Variants in AFF1 observed in about 807,000 individuals in gnomAD.
The protein encoded by AFF1 is ALF transcription elongation factor 1.
A neutral mutation model predicts 121.7 loss-of-function variants in AFF1; 48 were observed. That is an observed-to-expected ratio of 0.39 (90% confidence interval 0.31 to 0.50). The LOEUF is 0.50. Among genes scored for constraint, AFF1 ranks in the 20% least tolerant of loss-of-function variants. The probability of loss-of-function intolerance (pLI) is 0.76; values close to 1 mark genes in which losing one functional copy is unlikely to be tolerated. For synonymous variants in AFF1, 613 were observed against 563.0 expected (o/e 1.09, Z -1.26); for missense variants, 1,523 against 1,511.7 (o/e 1.01, Z -0.12).
At chr4:86,994,667 TTG>T (rs1724978512) in intron 2 of AFF1, among the ~76,000 whole-genome samples, 1 of 152,160 alleles carries the variant, frequency 6.6e-6, no homozygotes, top group African/African-American at 2.4e-5. Context: ...AACTAGGAGC[TTG>T]TGTTAGGTAG....
chr4:87,024,983 A>T (rs192799038), intron 2 of AFF1, among the ~76,000 whole-genome samples: 1 of 152,308 alleles, frequency 6.6e-6, no homozygotes, highest in Non-Finnish European at 1.5e-5. Context: ...TGTGAAATGC[A>T]TGCATCCCTT....
chr4:86,936,123 G>C (rs777624866), intron 1 of AFF1: 1 of 152,242 alleles, frequency 6.6e-6, no homozygotes, highest in Non-Finnish European at 1.5e-5. Context: ...ATCCCGGGAA[G>C]GCACTTGGCT....
At chr4:86,986,311 A>T (rs1724274052) in intron 2 of AFF1, among the ~76,000 whole-genome samples, 1 of 152,104 alleles carries the variant, frequency 6.6e-6, no homozygotes, top group African/African-American at 2.4e-5. Flanking sequence ...ACCTCAGGTG[A>T]TCCACCCGCC....
Position 86,982,865 on chromosome 4 carries a change from AAAAAAAAAAAG to A in AFF1, c.38+34295_38+34305del, listed in dbSNP as rs1404337359. 1.5e-4 allele frequency among the ~76,000 whole-genome samples: 22 copies of A among 145,794 alleles called. 1 individual carries two copies. Among genetic ancestry groups the A allele is most frequent in the African/African-American group, 5.5e-4 (21 of 37,852 alleles). ...TCTGTCTCCAAAAAAAAAAAAAAAAAAAAAAAAAAAGGAAGCTTGTTTGCCCCTTCCACTGT... is the reference window on the plus strand; with the variant it reads ...TCTGTCTCCAAAAAAAAAAAAAAAAAGAAGCTTGTTTGCCCCTTCCACTGT... On this transcript the variant is annotated intron_variant, in intron 2 of 20. Coordinates refer to ENST00000395146, the MANE Select transcript of AFF1 (RefSeq NM_001166693.3).
chr4:87,112,315 G>A (rs1298158493), intron 11 of AFF1, among the ~76,000 whole-genome samples: 1 of 152,200 alleles, frequency 6.6e-6, no homozygotes, highest in African/African-American at 2.4e-5. Flanking sequence ...CATAATAGTG[G>A]TTTCCTTCTT....
chr4:86,950,253 A>G, intron 2 of AFF1: 2 of 809,272 alleles, frequency 2.5e-6, no homozygotes, highest in Non-Finnish European at 4.2e-6. Flanking sequence ...ATCTTGGCTC[A>G]CTGCAACCTC....
chr4:86,996,502 T>G (rs1725213259), intron 2 of AFF1, among the ~76,000 whole-genome samples: 1 of 151,510 alleles, frequency 6.6e-6, no homozygotes, highest in South Asian at 2.1e-4. Context: ...AAGATGTGCT[T>G]TGTTAAACAG....
At chr4:87,076,497 A>T (rs1722687269) in intron 4 of AFF1, among the ~76,000 whole-genome samples, 1 of 152,242 alleles carries the variant, frequency 6.6e-6, no homozygotes, top group African/African-American at 2.4e-5. Flanking sequence ...GGATTAGATG[A>T]AGTGTAGCTA....
chr4:86,939,050 G>A (rs1480600646), intron 1 of AFF1, among the ~76,000 whole-genome samples: 11 of 152,238 alleles, frequency 7.2e-5, no homozygotes, highest in African/African-American at 1.9e-4. Context: ...TCCTAATACC[G>A]CGTAAGTATT....
At position 87,140,744 on chromosome 4, in the gene AFF1, T is replaced by G. The variant is rs1729650939; in HGVS notation, c.*5043T>G. The G allele has an allele frequency of 5.2e-6, 1 of 190,620 alleles. No homozygotes were observed. The highest frequency in any genetic ancestry group is 6.2e-5 in the Admixed American group (1 of 16,220). The allele number at this position is 190,620 out of a possible 1,614,324, so 11.8% of individuals were successfully genotyped here. ...CACAAATTAAGGGGAACTCCATGTA[T>G]TTTACCTACTTCAGCAATGGAACTG... On this transcript the variant is annotated 3_prime_UTR_variant, in exon 21 of 21. Transcript: ENST00000395146.
chr4:86,967,856 C>G (rs953852977), intron 2 of AFF1, among the ~76,000 whole-genome samples: 5 of 152,142 alleles, frequency 3.3e-5, no homozygotes, highest in Non-Finnish European at 4.4e-5. Flanking sequence ...AATTGGTTCT[C>G]TAAGTCTAGA....
chr4:87,085,401 T>A (rs969124098), intron 5 of AFF1, among the ~76,000 whole-genome samples: 1 of 152,048 alleles, frequency 6.6e-6, no homozygotes, highest in African/African-American at 2.4e-5. Flanking sequence ...TTTAATGATA[T>A]TCTTGTCTTT....
chr4:86,996,457 T>A (rs1448967140), intron 2 of AFF1, among the ~76,000 whole-genome samples: 2 of 151,854 alleles, frequency 1.3e-5, no homozygotes, highest in Admixed American at 6.6e-5. Context: ...ACATGTGCTG[T>A]ATCCACTCAG....
chr4:87,102,514 TAGAATGTGAAGGG>T (rs1433282994), intron 8 of AFF1, among the ~76,000 whole-genome samples: 1 of 152,112 alleles, frequency 6.6e-6, no homozygotes, highest in Non-Finnish European at 1.5e-5. Flanking sequence ...TCCTCATCCT[TAGAATGTGAAGGG>T]ATGGTCAAAA....
At chr4:86,951,731 C>T (rs187925720) in intron 2 of AFF1, among the ~76,000 whole-genome samples, 14 of 147,886 alleles carry the variant, frequency 9.5e-5, no homozygotes, top group African/African-American at 3.2e-4. Context: ...AAGCAATTCT[C>T]CTGCCTCAGC....
At chr4:86,979,924 C>G (rs1723600769) in intron 2 of AFF1, among the ~76,000 whole-genome samples, 1 of 152,106 alleles carries the variant, frequency 6.6e-6, no homozygotes, top group Admixed American at 6.6e-5. Context: ...GAATCTAACT[C>G]TTTTGAGACA....
At chr4:87,024,672 C>A (rs1560550033) in intron 2 of AFF1, among the ~76,000 whole-genome samples, 1 of 152,082 alleles carries the variant, frequency 6.6e-6, no homozygotes, top group South Asian at 2.1e-4. Flanking sequence ...TTCACTGCAA[C>A]CTCTGCCTCC....
chr4:86,947,722 C>T (rs918670697), intron 1 of AFF1, among the ~76,000 whole-genome samples: 1 of 152,062 alleles, frequency 6.6e-6, no homozygotes, highest in African/African-American at 2.4e-5. Context: ...CAAGATAGTA[C>T]CAAGACTATC....
chr4:87,044,974 T>C (rs1233345925), intron 2 of AFF1, among the ~76,000 whole-genome samples: 3 of 152,192 alleles, frequency 2.0e-5, no homozygotes, highest in Non-Finnish European at 2.9e-5. Flanking sequence ...GCTTGTTATT[T>C]TAAAATATGG....
Sources: gnomAD v4.1 joint callset for allele counts (sites outside exome capture counted in the v4.1 genomes callset) on GRCh38, gnomAD v4.1.1 for gene constraint, MANE v1.5 for transcripts, NCBI Gene and HGNC (gene_info 2026-07-23, HGNC 2026-07-21) for gene names.